The following ZNFX1 variants were observed in gnomAD, a reference collection of about 807,000 sequenced individuals.
ZNFX1 encodes NFX1-type zinc finger-containing protein 1.
ZNFX1 carries 78 observed loss-of-function variants against 179.8 expected under a neutral mutation model. The ratio of observed to expected loss-of-function variants is 0.43; its 90% CI spans 0.36 to 0.52. The LOEUF (loss-of-function observed/expected upper bound fraction) is 0.52. ZNFX1 is among the 20% of genes least tolerant of loss of function. The pLI, the probability that ZNFX1 is intolerant of heterozygous loss-of-function variation, is 0.00. For synonymous variants in ZNFX1, 848 were observed against 868.5 expected, an observed-to-expected ratio of 0.98 and a Z score of 0.42; for missense variants, 1,927 against 2,386.6, an observed-to-expected ratio of 0.81 and a Z score of 4.01.
Position 49,248,794 on chromosome 20 carries a change from G to A in ZNFX1, c.4230C>T (p.His1410=), listed in dbSNP as rs146790931. 6.2e-7 allele frequency: 1 copy of A among 1,614,104 alleles called. No homozygotes were observed. The highest frequency in any genetic ancestry group is 1.3e-5 in the African/African-American group (1 of 74,948). The change falls in exon 14 of 14, where the codon CAC becomes CAT. Residue 1410 remains histidine (H), a synonymous_variant. Transcript: ENST00000396105. This position sits in a 1 kb window ranked among gnomAD's most constrained non-coding sequence, Gnocchi z 4.6. ...CATGACCACATTTTACCGGTTGACT[G>A]TGCCCACACTTGAGTTTTATGGTGA... The part of the protein sequence containing the change: ...EMVTIKLKCG[H]SQPVKCGHVE...
chr20:49,248,564 T>C lies in ZNFX1; in HGVS notation c.4460A>G (p.Gln1487Arg). 6.2e-7 allele frequency: 1 copy of C among 1,614,190 alleles called. No homozygotes were observed. Among genetic ancestry groups the C allele is most frequent in the Non-Finnish European group, 8.5e-7 (1 of 1,180,040 alleles). Residue 1487 changes from glutamine to arginine, a missense_variant, in exon 14 of 14, where the codon CAG becomes CGG. Gln to Arg is a conservative substitution (Grantham distance 43, BLOSUM62 1). Coordinates refer to ENST00000396105, the MANE Select transcript of ZNFX1 (RefSeq NM_021035.3). This position sits in a 1 kb window ranked among gnomAD's most constrained non-coding sequence, Gnocchi z 4.6. Reference sequence around the variant, plus strand: ...GACACAGCGGTTCTGACAGGTCCGCTGGCAGGGTGGGCACTCACCAATGCA... The same window carrying C: ...GACACAGCGGTTCTGACAGGTCCGCCGGCAGGGTGGGCACTCACCAATGCA... ...EPCIGECPPCQRTCQNRCVHS... is the reference protein window; with the variant it reads ...EPCIGECPPCRRTCQNRCVHS...
rs1211782300 is a variant in ZNFX1, at chr20:49,270,401, T to C, written c.1411A>G (p.Asn471Asp). 1 of 1,614,250 alleles carries C rather than the reference T, an allele frequency of 6.2e-7. No homozygotes were observed. The highest frequency in any genetic ancestry group is 2.2e-5 in the East Asian group (1 of 44,884). ...CGGCAGAGATCTTCCTGCTCCCTGTTAGATACGGTGGCAAAAAGAAATGTC... is the reference window on the plus strand; with the variant it reads ...CGGCAGAGATCTTCCTGCTCCCTGTCAGATACGGTGGCAAAAAGAAATGTC... The part of the protein sequence containing the change: ...FETFLFATVS[N>D]REQEDLCRGI... The change falls in exon 3 of 14, where the codon AAC (asparagine) becomes GAC (aspartate). Residue 471 changes from asparagine to aspartate, a missense_variant. Asn to Asp is a conservative substitution (Grantham distance 23). Transcript: ENST00000396105. The surrounding 1 kb of genome is among the most constrained non-coding windows in gnomAD (Gnocchi z 4.6).
chr20:49,248,687 G>A lies in ZNFX1; in HGVS notation c.4337C>T (p.Pro1446Leu). 1.2e-6 allele frequency: 2 copies of A among 1,612,684 alleles called. No homozygotes were observed. Among genetic ancestry groups the A allele is most frequent in the Non-Finnish European group, 1.7e-6 (2 of 1,180,026 alleles). ...TTCGAAGCAGCTGTGGCAGGAGCCT[G>A]GGCAAGGATGCCCGCAGTCCAAGAT... ...GTILDCGHPC[P>L]GSCHSCFEGR... The change falls in exon 14 of 14, where the codon CCA (proline) becomes CTA (leucine). Residue 1446 changes from proline (P) to leucine (L), a missense_variant. Pro to Leu is a moderately conservative substitution (Grantham distance 98). Transcript: ENST00000396105. This position sits in a 1 kb window ranked among gnomAD's most constrained non-coding sequence, Gnocchi z 4.6.
At chr20:49,274,938 C>T (rs962684856) in intron 2 of ZNFX1, among the ~76,000 whole-genome samples, 7 of 148,210 alleles carry the variant, frequency 4.7e-5, no homozygotes, top group African/African-American at 9.9e-5. Flanking sequence ...CTGGCTAACA[C>T]GGTGAAACCC....
intron 3 of ZNFX1, among the ~76,000 whole-genome samples, chr20:49,268,272 T>C (rs1440297000): frequency 1.3e-5 from 2 of 152,198 alleles, no homozygotes; most frequent in African/African-American, 2.4e-5. Flanking sequence ...GCTTCACACA[T>C]AGTGCTATTA....
At chr20:49,254,205 T>G (rs907546791) in intron 10 of ZNFX1, among the ~76,000 whole-genome samples, 1 of 152,052 alleles carries the variant, frequency 6.6e-6, no homozygotes, top group Non-Finnish European at 1.5e-5. Context: ...TTTTGTATTT[T>G]TAGTAGAGAT....
chr20:49,249,736 T>C, intron 13 of ZNFX1, 25 bp from the exon 14 acceptor site: 2 of 1,589,588 alleles, frequency 1.3e-6, no homozygotes, highest in Non-Finnish European at 8.6e-7. Flanking sequence ...AAGTGACATG[T>C]TAAAAGGTTC....
At chr20:49,266,796 G>C (rs1188161759) in intron 3 of ZNFX1, among the ~76,000 whole-genome samples, 1 of 151,750 alleles carries the variant, frequency 6.6e-6, no homozygotes, top group African/African-American at 2.4e-5. Context: ...ATTTGCTTTT[G>C]TGATGGGAGG....
rs753770746 is a variant in ZNFX1 at position 49,251,608 on chromosome 20, A to G, written c.3231T>C (p.Pro1077=). The G allele has an allele frequency of 5.6e-6, 9 of 1,612,280 alleles. No homozygotes were observed. The highest frequency in any genetic ancestry group is 7.6e-6 in the Non-Finnish European group (9 of 1,178,916). The change falls in exon 13 of 14, where the codon CCT becomes CCC. Residue 1077 remains proline, a synonymous_variant. Coordinates refer to ENST00000396105, the MANE Select transcript of ZNFX1 (RefSeq NM_021035.3). ...GGGGGGTCAAAAGGCGGGCAATTTC[A>G]GGGCACATACGGTGCTGAAAAAACA... ...VRLNYQHRMC[P]EIARLLTPHI...
intron 9 of ZNFX1, among the ~76,000 whole-genome samples, chr20:49,254,949 T>C (rs1980932249): frequency 6.6e-6 from 1 of 151,802 alleles, no homozygotes; most frequent in South Asian, 2.1e-4. Flanking sequence ...CTAATTTCCC[T>C]CCCCTCCTCT....
intron 13 of ZNFX1, among the ~76,000 whole-genome samples, chr20:49,250,527 G>C (rs969139965): frequency 6.6e-6 from 1 of 152,118 alleles, no homozygotes; most frequent in Non-Finnish European, 1.5e-5. Context: ...CCCCAGCCTG[G>C]TTTTGAACTC....
Position 49,247,735 on chromosome 20 carries a change from G to A in ZNFX1, c.5289C>T (p.Leu1763=), listed in dbSNP as rs973135272. 10 of 1,614,204 alleles carry A rather than the reference G, an allele frequency of 6.2e-6. No homozygotes were observed. The highest frequency in any genetic ancestry group is 1.1e-5 in the South Asian group (1 of 91,080). Residue 1763 remains leucine (L), a synonymous_variant, in exon 14 of 14, where the codon CTC becomes CTT. Transcript: ENST00000396105. ...LSDLRSEIQR[L]TYLVNLLTRY... ...GGGTCAGAAGGTTCACCAGGTATGT[G>A]AGCCTCTGGATTTCACTTCGGAGGT...
chr20:49,267,228 G>A (rs541656080), intron 3 of ZNFX1, among the ~76,000 whole-genome samples: 8 of 152,272 alleles, frequency 5.3e-5, no homozygotes, highest in Non-Finnish European at 1.0e-4. Flanking sequence ...AGGCTGGTAA[G>A]GTAGACACTG....
intron 3 of ZNFX1, among the ~76,000 whole-genome samples, chr20:49,268,616 T>C (rs1981303755): frequency 6.6e-6 from 1 of 152,012 alleles, no homozygotes; most frequent in Admixed American, 6.6e-5. Context: ...ATTTGCAAAC[T>C]CTGGATCCAT....
intron 9 of ZNFX1, 80 bp downstream of exon 9, chr20:49,255,728 G>A (rs1415741434): frequency 2.0e-6 from 3 of 1,475,972 alleles, no homozygotes; most frequent in South Asian, 2.6e-5. Context: ...TAACATCGTT[G>A]AAGGTCTTGG....
intron 7 of ZNFX1, among the ~76,000 whole-genome samples, chr20:49,259,693 T>G (rs982699473): frequency 6.6e-6 from 1 of 152,192 alleles, no homozygotes; most frequent in Non-Finnish European, 1.5e-5. Flanking sequence ...ACTTGCAAAG[T>G]GCTGGGATTA....
At chr20:49,261,206 C>T (rs1283342982) in intron 6 of ZNFX1, among the ~76,000 whole-genome samples, 3 of 152,150 alleles carry the variant, frequency 2.0e-5, no homozygotes, top group Non-Finnish European at 4.4e-5. Context: ...TGCCCTCCAG[C>T]CTGGGCTCAA....
rs1459084461 is a variant in ZNFX1 at position 49,248,739 on chromosome 20, C to A, written c.4285G>T (p.Val1429Phe). 1.2e-6 allele frequency: 2 copies of A among 1,613,228 alleles called. No homozygotes were observed. Among genetic ancestry groups the A allele is most frequent in the African/African-American group, 2.7e-5 (2 of 74,954 alleles). Residue 1429 changes from valine (V) to phenylalanine (F), a missense_variant, in exon 14 of 14, where the codon GTC (valine) becomes TTC (phenylalanine). Coordinates refer to ENST00000396105, the MANE Select transcript of ZNFX1 (RefSeq NM_021035.3). This position sits in a 1 kb window ranked among gnomAD's most constrained non-coding sequence, Gnocchi z 4.6. Reference sequence around the variant, plus strand: ...GTGCCACACTTTGTGGTACACTTGACTAGCAGACCACCATACAGGAGGCCT... The same window carrying A: ...GTGCCACACTTTGTGGTACACTTGAATAGCAGACCACCATACAGGAGGCCT... Reference protein sequence around the residue: ...VEGLLYGGLLVKCTTKCGTIL... With the variant: ...VEGLLYGGLLFKCTTKCGTIL...
rs1209878534 is a variant in ZNFX1 at position 49,263,445 on chromosome 20, A to G, written c.2190T>C (p.His730=). ...TGCACTCCAGGGTCTTGGCTCCTTC[A>G]TGAAGCTCTTGCTCTGACTCCTTCA... ...TQMKESEQEL[H]EGAKTLECTM... The change falls in exon 6 of 14, where the codon CAT becomes CAC. Residue 730 remains histidine, a synonymous_variant. Transcript: ENST00000396105. The G allele has an allele frequency of 6.2e-7, 1 of 1,604,786 alleles. No individual in the cohort carries two copies. Among genetic ancestry groups the G allele is most frequent in the Admixed American group, 1.7e-5 (1 of 58,424 alleles).
Sources: gnomAD v4.1 joint callset for allele counts (sites outside exome capture counted in the v4.1 genomes callset) on GRCh38, gnomAD v4.1.1 for gene constraint, Gnocchi (gnomAD v3.1) non-coding constraint, MANE v1.5 for transcripts, NCBI Gene and HGNC (gene_info 2026-07-23, HGNC 2026-07-21) for gene names.